The following SMAP2 variants were observed in gnomAD, a reference collection of about 807,000 sequenced individuals.
SMAP2 encodes stromal membrane-associated protein 2.
SMAP2 carries 25 observed loss-of-function variants against 56.4 expected under a neutral mutation model. The ratio of observed to expected loss-of-function variants is 0.44; its 90% CI spans 0.32 to 0.62. The LOEUF (loss-of-function observed/expected upper bound fraction) is 0.62, where lower values mean the gene tolerates loss of function less well. Among genes scored for constraint, SMAP2 ranks in the 20% least tolerant of loss-of-function variants. The probability of loss-of-function intolerance (pLI) is 0.04; values close to 1 mark genes in which losing one functional copy is unlikely to be tolerated. For synonymous variants in SMAP2, 157 were observed against 181.7 expected, an observed-to-expected ratio of 0.86 and a Z score of 1.09; for missense variants, 388 against 545.6, an observed-to-expected ratio of 0.71 and a Z score of 2.88.
At chr1:40,415,138 A>C in intron 6 of SMAP2, 134 bp from the exon 7 acceptor site, 1 of 702,720 alleles carries the variant, frequency 1.4e-6, no homozygotes, top group Non-Finnish European at 2.5e-6. Context: ...AGCCCCGTCC[A>C]TGCTAGATGG....
chr1:40,401,365 A>G (rs149135959), intron 1 of SMAP2, among the ~76,000 whole-genome samples: 4,153 of 152,290 alleles, frequency 0.027, 94 homozygotes, highest in Non-Finnish European at 0.04. Flanking sequence ...GATAGATTCC[A>G]CAGGATTTGG....
At chr1:40,404,752 G>A (rs1306305472) in intron 1 of SMAP2, among the ~76,000 whole-genome samples, 1 of 152,158 alleles carries the variant, frequency 6.6e-6, no homozygotes, top group Admixed American at 6.5e-5. Flanking sequence ...TCTTATTGGA[G>A]TTCCTTTATG....
chr1:40,365,415 T>A (rs1213290629), intron 2 of SMAP2, among the ~76,000 whole-genome samples: 1 of 152,226 alleles, frequency 6.6e-6, no homozygotes, highest in Non-Finnish European at 1.5e-5. Context: ...TGAAATGTGG[T>A]ATCAGGATTC....
At chr1:40,379,160 T>C (rs1418301951) in intron 1 of SMAP2, among the ~76,000 whole-genome samples, 1 of 151,856 alleles carries the variant, frequency 6.6e-6, no homozygotes, top group Non-Finnish European at 1.5e-5. Flanking sequence ...TTAGTAGAGA[T>C]GGGGTTTCAC....
intron 2 of SMAP2, among the ~76,000 whole-genome samples, chr1:40,364,573 T>A (rs1644474001): frequency 6.6e-6 from 1 of 152,064 alleles, no homozygotes; most frequent in Non-Finnish European, 1.5e-5. Flanking sequence ...TGAAACCCTG[T>A]CTCTACAAAA....
rs1481659470 is a variant in SMAP2 at position 40,386,896 on chromosome 1, G to A, written c.103+12673G>A. Among the ~76,000 whole-genome samples, 1 of 136,980 alleles carries A rather than the reference G, an allele frequency of 7.3e-6. No homozygotes were observed. The highest frequency in any genetic ancestry group is 1.5e-5 in the Non-Finnish European group (1 of 66,100). The allele number at this position is 136,980 out of a possible 152,430, so 89.9% of individuals were successfully genotyped here. On this transcript the variant is annotated intron_variant, in intron 1 of 9. Transcript: ENST00000372718. This position sits in a 1 kb window ranked among gnomAD's most constrained non-coding sequence, Gnocchi z 4.1. The stretch of plus-strand genomic sequence containing the variant: ...TGGAGACAAGGTCTCTCGCTCCGTC[G>A]CCCAAGCTGGAGTACAGTGGCACGA...
At chr1:40,352,992 C>T (rs12725703) in intron 1 of SMAP2, among the ~76,000 whole-genome samples, 10,143 of 152,258 alleles carry the variant, frequency 0.067, 347 homozygotes, top group East Asian at 0.11. Context: ...TCAGGCATGA[C>T]GTTTTCCATG....
At position 40,406,763 on chromosome 1, in the gene SMAP2, G is replaced by T. The variant is rs756366616; in HGVS notation, c.131G>T (p.Gly44Val). 1 of 1,613,874 alleles carries T rather than the reference G, an allele frequency of 6.2e-7. No individual in the cohort carries two copies. Among genetic ancestry groups the T allele is most frequent in the South Asian group, 1.1e-5 (1 of 91,066 alleles). Reference sequence around the variant, plus strand: ...CCGCGATGGGCCTCTTGGAACATTGGTGTGTTCATCTGCATTCGATGTGCT... The same window carrying T: ...CCGCGATGGGCCTCTTGGAACATTGTTGTGTTCATCTGCATTCGATGTGCT... ...KGPRWASWNI[G>V]VFICIRCAGI... The change falls in exon 2 of 10, where the codon GGT becomes GTT. Residue 44 changes from glycine to valine, a missense_variant. Coordinates refer to ENST00000372718, the MANE Select transcript of SMAP2 (RefSeq NM_022733.3).
chr1:40,357,205 T>A (rs919467325), intron 1 of SMAP2, among the ~76,000 whole-genome samples: 1 of 152,134 alleles, frequency 6.6e-6, no homozygotes, highest in Admixed American at 6.6e-5. Context: ...TTCCTGTGCT[T>A]GTGAGGTATT....
In SMAP2 at chr1:40,408,713, A is replaced by T. The variant is rs746351216; in HGVS notation, c.298A>T (p.Thr100Ser). The T allele has an allele frequency of 1.2e-5, 20 of 1,613,716 alleles. No individual in the cohort carries two copies. In the South Asian group the frequency reaches 2.2e-4, roughly 18 times the overall value. ...NRLYEAYLPE[T>S]FRRPQIDPAV... ...ACTTTATGAAGCCTATCTTCCTGAG[A>T]CCTTTCGGCGACCTCAGATAGACCC... The change falls in exon 3 of 10, where the codon ACC (threonine) becomes TCC (serine). Residue 100 changes from threonine to serine, a missense_variant. Transcript: ENST00000372718. The surrounding 1 kb of genome is among the most constrained non-coding windows in gnomAD (Gnocchi z 4.3).
intron 5 of SMAP2, chr1:40,413,952 C>A: frequency 1.9e-6 from 1 of 533,250 alleles, no homozygotes; most frequent in South Asian, 2.1e-5. Flanking sequence ...CAGGCGATAT[C>A]TTTGTTTTTC....
chr1:40,390,922 T>C (rs1374886911), intron 1 of SMAP2, among the ~76,000 whole-genome samples: 2 of 152,244 alleles, frequency 1.3e-5, no homozygotes, highest in African/African-American at 4.8e-5. Flanking sequence ...ATTGACATAT[T>C]CTTATGTCTC....
intron 1 of SMAP2, among the ~76,000 whole-genome samples, chr1:40,352,079 A>T (rs1644411401): frequency 6.6e-6 from 1 of 152,196 alleles, no homozygotes; most frequent in Admixed American, 6.6e-5. Context: ...GTAAAGAAAC[A>T]AAAGAATAGT....
At chr1:40,361,688 AG>A (rs1434264946) in intron 1 of SMAP2, among the ~76,000 whole-genome samples, 1 of 152,164 alleles carries the variant, frequency 6.6e-6, no homozygotes, top group Non-Finnish European at 1.5e-5. Flanking sequence ...AGCAGAAGCC[AG>A]GGAGTACTTT....
intron 1 of SMAP2, among the ~76,000 whole-genome samples, chr1:40,380,930 C>G (rs1195012007): frequency 6.6e-6 from 1 of 152,150 alleles, no homozygotes; most frequent in Non-Finnish European, 1.5e-5. Context: ...GCCAAGATCA[C>G]ATATATTTCT....
chr1:40,409,673 A>G, intron 3 of SMAP2, 84 bp from the exon 4 acceptor site: 1 of 951,722 alleles, frequency 1.1e-6, no homozygotes, highest in East Asian at 2.5e-5. Flanking sequence ...GGAGGAGAAC[A>G]ATGCTCCGTG....
chr1:40,393,204 T>TAGTC (rs145828833), intron 1 of SMAP2: 188,023 of 870,006 alleles, frequency 0.22, 22,625 homozygotes, highest in Middle Eastern at 0.35. Context: ...CACATGCCTG[T>TAGTC]AGTCCCAGCT....
intron 2 of SMAP2, among the ~76,000 whole-genome samples, chr1:40,365,813 A>C (rs529762462): frequency 2.0e-5 from 3 of 152,094 alleles, no homozygotes; most frequent in East Asian, 3.9e-4. Context: ...CTCCAAAGGA[A>C]CGCAGCTCCT....
intron 1 of SMAP2, among the ~76,000 whole-genome samples, chr1:40,398,735 C>G (rs1049272101): frequency 6.6e-6 from 1 of 151,976 alleles, no homozygotes; most frequent in Non-Finnish European, 1.5e-5. Context: ...AACTCCTGGG[C>G]TCAAGTGATC....
Sources: gnomAD v4.1 joint callset for allele counts (sites outside exome capture counted in the v4.1 genomes callset) on GRCh38, gnomAD v4.1.1 for gene constraint, Gnocchi (gnomAD v3.1) non-coding constraint, MANE v1.5 for transcripts, NCBI Gene and HGNC (gene_info 2026-07-23, HGNC 2026-07-21) for gene names.